PITPNC1: variants seen among roughly 807,000 people sequenced by gnomAD.
The protein encoded by PITPNC1 is phosphatidylinositol transfer protein cytoplasmic 1.
A neutral mutation model predicts 44.7 loss-of-function variants in PITPNC1; 18 were observed. The ratio of observed to expected loss-of-function variants is 0.40; its 90% confidence interval spans 0.28 to 0.60. The LOEUF (loss-of-function observed/expected upper bound fraction) is 0.60. PITPNC1 is among the 20% of genes least tolerant of loss of function. The pLI, the probability that PITPNC1 is intolerant of heterozygous loss-of-function variation, is 0.39. For synonymous variants in PITPNC1, 141 were observed against 149.6 expected (o/e 0.94, Z 0.42); for missense variants, 290 against 418.4 (o/e 0.69, Z 2.68).
At chr17:67,440,797 C>G (rs897736969) in intron 1 of PITPNC1, among the ~76,000 whole-genome samples, 1 of 151,916 alleles carries the variant, frequency 6.6e-6, no homozygotes, top group Non-Finnish European at 1.5e-5. Context: ...ATCTGCCCAC[C>G]TCAGCCTCCC....
At chr17:67,607,258 T>G (rs1194052735) in intron 5 of PITPNC1, among the ~76,000 whole-genome samples, 1 of 152,232 alleles carries the variant, frequency 6.6e-6, no homozygotes, top group African/African-American at 2.4e-5. Context: ...CCCTTTAAGC[T>G]GCAGCCTTCT....
At chr17:67,424,517 C>T (rs1222374526) in intron 1 of PITPNC1, among the ~76,000 whole-genome samples, 2 of 151,774 alleles carry the variant, frequency 1.3e-5, no homozygotes, top group Non-Finnish European at 2.9e-5. Context: ...ATTAGCTGGG[C>T]GTGGTGGTGG....
intron 5 of PITPNC1, among the ~76,000 whole-genome samples, chr17:67,629,238 C>CTGTGTGTGTGTGTGTGTGCGTGTGTGTG (rs1555574241): frequency 7.6e-6 from 1 of 131,230 alleles, no homozygotes; most frequent in African/African-American, 2.9e-5. Context: ...CTGGGGTATT[C>CTGTGTGTGTGTGTGTGTGCGTGTGTGTG]TGTGTGTGTG....
chr17:67,601,285 A>T (rs1435393454), intron 5 of PITPNC1, among the ~76,000 whole-genome samples: 1 of 152,246 alleles, frequency 6.6e-6, no homozygotes, highest in Non-Finnish European at 1.5e-5. Flanking sequence ...TGGACTTCTC[A>T]TTAGCAACAG....
chr17:67,469,763 T>A (rs746113172), intron 1 of PITPNC1, among the ~76,000 whole-genome samples: 1 of 151,922 alleles, frequency 6.6e-6, no homozygotes, highest in Non-Finnish European at 1.5e-5. Context: ...CATCAGGAAA[T>A]AAGACAGAAC....
chr17:67,465,492 T>G (rs886587857), intron 1 of PITPNC1, among the ~76,000 whole-genome samples: 2 of 152,208 alleles, frequency 1.3e-5, no homozygotes, highest in African/African-American at 4.8e-5. Context: ...AGATTTCACA[T>G]GCCAATGTTG....
At chr17:67,668,810 C>CT (rs2042464599) in intron 6 of PITPNC1, among the ~76,000 whole-genome samples, 2 of 98,854 alleles carry the variant, frequency 2.0e-5, no homozygotes, top group Non-Finnish European at 4.9e-5. Flanking sequence ...TGCAGTGAGC[C>CT]GAGATCGCAC....
intron 8 of PITPNC1, among the ~76,000 whole-genome samples, chr17:67,679,341 A>C (rs535418761): frequency 2.6e-5 from 4 of 152,248 alleles, no homozygotes; most frequent in African/African-American, 4.8e-5. Flanking sequence ...TAGAAAAAAA[A>C]GCTTCCCTTT....
At chr17:67,467,818 G>T (rs2039450053) in intron 1 of PITPNC1, among the ~76,000 whole-genome samples, 1 of 152,176 alleles carries the variant, frequency 6.6e-6, no homozygotes, top group Non-Finnish European at 1.5e-5. Flanking sequence ...AGCCGTCCCT[G>T]GGAAAATGAT....
intron 1 of PITPNC1, among the ~76,000 whole-genome samples, chr17:67,404,880 A>G (rs181605871): frequency 7.2e-5 from 11 of 152,038 alleles, no homozygotes; most frequent in Non-Finnish European, 1.0e-4. Flanking sequence ...TTAACTCCCT[A>G]TAGGAGCTTT....
At position 67,681,004 on chromosome 17, in the gene PITPNC1, T is replaced by C. The variant is rs112672575; in HGVS notation, c.682+5462T>C. On this transcript the variant is annotated intron_variant, in intron 8 of 8. Coordinates refer to ENST00000581322, the MANE Select transcript of PITPNC1 (RefSeq NM_012417.4). ...GTATAATGTGCCATTTCACAGATCA[T>C]TGAATTAGAACAGAAGACTCCCCTT... 1.1e-3 allele frequency among the ~76,000 whole-genome samples: 173 copies of C among 152,306 alleles called. 3 individuals carry two copies. Among genetic ancestry groups the C allele is most frequent in the African/African-American group, 4.0e-3 (165 of 41,582 alleles).
chr17:67,434,610 A>G (rs576523424), intron 1 of PITPNC1, among the ~76,000 whole-genome samples: 9 of 152,240 alleles, frequency 5.9e-5, no homozygotes, highest in Non-Finnish European at 1.0e-4. Flanking sequence ...CAGGAGTTCA[A>G]GACCAGCCTG....
intron 1 of PITPNC1, among the ~76,000 whole-genome samples, chr17:67,460,129 T>A (rs2039313964): frequency 6.6e-6 from 1 of 152,036 alleles, no homozygotes; most frequent in Admixed American, 6.6e-5. Context: ...TTAAATGAAG[T>A]GATTTATAAC....
At chr17:67,464,211 G>T (rs2039389981) in intron 1 of PITPNC1, among the ~76,000 whole-genome samples, 1 of 74,360 alleles carries the variant, frequency 1.3e-5, no homozygotes, top group African/African-American at 6.4e-5. Flanking sequence ...AAAAAAAAAT[G>T]ATATTTTCTG....
chr17:67,446,138 G>A (rs2039089492), intron 1 of PITPNC1, among the ~76,000 whole-genome samples: 1 of 151,748 alleles, frequency 6.6e-6, no homozygotes, highest in Non-Finnish European at 1.5e-5. Flanking sequence ...GTACAGACGG[G>A]GTTTCACCAT....
chr17:67,585,588 A>G (rs2041303350), intron 5 of PITPNC1, among the ~76,000 whole-genome samples: 1 of 152,094 alleles, frequency 6.6e-6, no homozygotes, highest in African/African-American at 2.4e-5. Flanking sequence ...GGATCGCTTA[A>G]GCTCAAGAGT....
At chr17:67,423,530 C>T (rs79177744) in intron 1 of PITPNC1, among the ~76,000 whole-genome samples, 329 of 152,238 alleles carry the variant, frequency 2.2e-3, no homozygotes, top group African/African-American at 6.5e-3. Flanking sequence ...CCTGACTAGG[C>T]GCAAATCCAT....
chr17:67,449,354 T>C (rs1191903604), intron 1 of PITPNC1, among the ~76,000 whole-genome samples: 1 of 152,200 alleles, frequency 6.6e-6, no homozygotes, highest in African/African-American at 2.4e-5. Context: ...CACACATCTT[T>C]TGAAGCTTAG....
chr17:67,645,418 C>T (rs2042138256), intron 6 of PITPNC1, among the ~76,000 whole-genome samples: 2 of 151,770 alleles, frequency 1.3e-5, no homozygotes, highest in Non-Finnish European at 2.9e-5. Flanking sequence ...GTTAAGATGA[C>T]CAACCCCTGA....
Sources: gnomAD v4.1 joint callset for allele counts (sites outside exome capture counted in the v4.1 genomes callset) on GRCh38, gnomAD v4.1.1 for gene constraint, MANE v1.5 for transcripts, NCBI Gene and HGNC (gene_info 2026-07-23, HGNC 2026-07-21) for gene names.